The following BRAF variants were observed in gnomAD, a reference collection of about 807,000 sequenced individuals.
BRAF encodes the protein serine/threonine-protein kinase B-raf.
A neutral mutation model predicts 104.6 loss-of-function variants in BRAF; 16 were observed. The observed-to-expected ratio is 0.15, with a 90% confidence interval of 0.10 to 0.23. BRAF has a LOEUF of 0.23. BRAF is among the 10% of genes least tolerant of loss of function. The pLI is 1.00. For synonymous variants in BRAF, 310 were observed against 341.6 expected, an observed-to-expected ratio of 0.91 and a Z score of 1.02; for missense variants, 541 against 937.3, an observed-to-expected ratio of 0.58 and a Z score of 5.52.
At chr7:140,914,412 A>T (rs11762469) in intron 1 of BRAF, among the ~76,000 whole-genome samples, 55,856 of 152,066 alleles carry the variant, frequency 0.37, 13,286 homozygotes, top group Non-Finnish European at 0.54. Flanking sequence ...GTGGAATATC[A>T]TCAGTGTTAG....
At chr7:140,747,940 T>G (rs943765404) in intron 17 of BRAF, among the ~76,000 whole-genome samples, 2 of 152,194 alleles carry the variant, frequency 1.3e-5, no homozygotes, top group African/African-American at 4.8e-5. Context: ...TCCAAAGTCA[T>G]GTTGTTACAC....
In BRAF at chr7:140,874,551, A is replaced by AT. The variant is rs1811992406; in HGVS notation, c.139-24340_139-24339insA. Among the ~76,000 whole-genome samples, 4 of 148,272 alleles carry AT rather than the reference A, an allele frequency of 2.7e-5. No homozygotes were observed. The South Asian group carries it at 8.7e-4, about 32-fold the overall frequency. On this transcript the variant is annotated intron_variant, in intron 1 of 19. Coordinates refer to ENST00000644969, the MANE Select transcript of BRAF (RefSeq NM_001374258.1). ...AAAAAGTAAAAAAAAAAAAAAAAAA[A>AT]GGCAAAGAAATAACATTCAAAGATA...
downstream of BRAF, among the ~76,000 whole-genome samples, chr7:140,718,104 G>GA (rs1795175492): frequency 6.6e-6 from 1 of 151,816 alleles, no homozygotes. Context: ...CAGGTGAAGT[G>GA]TTTTTTTTGA....
At chr7:140,904,366 T>C (rs150687720) in intron 1 of BRAF, among the ~76,000 whole-genome samples, 451 of 152,090 alleles carry the variant, frequency 3.0e-3, no homozygotes, top group Middle Eastern at 0.01. Flanking sequence ...TCTAGAAGTT[T>C]AATGAAACTC....
chr7:140,785,162 C>A (rs539765244), intron 10 of BRAF, among the ~76,000 whole-genome samples: 15 of 152,000 alleles, frequency 9.9e-5, no homozygotes, highest in Non-Finnish European at 1.5e-4. Flanking sequence ...ATATACACAT[C>A]CCATATTGGG....
At chr7:140,897,278 C>A (rs879668552) in intron 1 of BRAF, among the ~76,000 whole-genome samples, 8 of 151,960 alleles carry the variant, frequency 5.3e-5, no homozygotes, top group Non-Finnish European at 1.0e-4. Flanking sequence ...CCATGGGAAT[C>A]TGGTAGAAAT....
intron 1 of BRAF, among the ~76,000 whole-genome samples, chr7:140,876,029 C>T (rs1464314407): frequency 2.0e-5 from 3 of 152,112 alleles, no homozygotes; most frequent in Non-Finnish European, 4.4e-5. Flanking sequence ...GGTAAACATG[C>T]AGACAAAAAT....
intron 17 of BRAF, among the ~76,000 whole-genome samples, chr7:140,745,046 T>C (rs1209174593): frequency 6.6e-6 from 1 of 151,976 alleles, no homozygotes; most frequent in South Asian, 2.1e-4. Flanking sequence ...ACAATACAAA[T>C]AGTTTGAAGA....
Position 140,721,867 on chromosome 7 carries a change from A to C in BRAF, c.*4627T>G. On this transcript the variant is annotated 3_prime_UTR_variant, in exon 20 of 20. Transcript: ENST00000644969. ...CCCCACAGCGCTTTGGGACAGGATG[A>C]CTAACGCAGTCCAGCTTCATGTGCA... The C allele has an allele frequency of 7.7e-7, 1 of 1,297,250 alleles. No individual in the cohort carries two copies. The highest frequency in any genetic ancestry group is 9.8e-7 in the Non-Finnish European group (1 of 1,025,264). The allele number at this position is 1,297,250 out of a possible 1,614,324, so 80.4% of individuals were successfully genotyped here. A position where few individuals can be genotyped will look rare whatever the true frequency, so the allele number is the denominator to read the frequency against.
At chr7:140,756,906 C>G (rs550111268) in intron 14 of BRAF, among the ~76,000 whole-genome samples, 1 of 152,336 alleles carries the variant, frequency 6.6e-6, no homozygotes, top group Admixed American at 6.5e-5. Flanking sequence ...ACTTCAAGCT[C>G]TTATCCAAGA....
rs551921779 is a variant in BRAF, at chr7:140,763,227, G to A, written c.1815-8994C>T. 8.6e-3 allele frequency among the ~76,000 whole-genome samples: 1,304 copies of A among 151,762 alleles called. 21 individuals carry two copies. The highest frequency in any genetic ancestry group is 0.029 in the African/African-American group (1,219 of 41,350). ...CACCTCCCGGACGAGGCGGCTGGCCGGGCGGGGGGCTGACCCCCCAACCTC... is the reference window on the plus strand; with the variant it reads ...CACCTCCCGGACGAGGCGGCTGGCCAGGCGGGGGGCTGACCCCCCAACCTC... On this transcript the variant is annotated intron_variant, in intron 14 of 19. Transcript: ENST00000644969.
At chr7:140,759,760 T>G (rs370709168) in intron 14 of BRAF, among the ~76,000 whole-genome samples, 37 of 152,042 alleles carry the variant, frequency 2.4e-4, no homozygotes, top group African/African-American at 8.2e-4. Flanking sequence ...AGCTGAGGAG[T>G]AGACAGTGAG....
In BRAF at chr7:140,736,450, G is replaced by A. The variant is rs528715337; in HGVS notation, c.2248-1680C>T. Among the ~76,000 whole-genome samples the A allele has an allele frequency of 9.0e-4, 128 of 141,748 alleles. 1 individual carries two copies. The highest frequency in any genetic ancestry group is 3.3e-3 in the African/African-American group (125 of 38,366). 93.0% of individuals were successfully genotyped at this position (141,748 alleles called of 152,430 possible). On this transcript the variant is annotated intron_variant, in intron 18 of 19. Transcript: ENST00000644969. The stretch of plus-strand genomic sequence containing the variant: ...AACACCACTTTTTTTTTTTGGAGAT[G>A]GAATTTCACTCTTGTTGCCCAGGCT...
intron 1 of BRAF, among the ~76,000 whole-genome samples, chr7:140,913,034 T>C (rs141666979): frequency 1.2e-4 from 19 of 152,338 alleles, no homozygotes; most frequent in African/African-American, 4.3e-4. Flanking sequence ...TTTGAACTAA[T>C]TGGTTTATCT....
rs2130823494 is a variant in BRAF, at chr7:140,723,191, G to GAGGAGGATGTGCAGCAGCTCGC, written c.*3281_*3302dup. On this transcript the variant is annotated 3_prime_UTR_variant, in exon 20 of 20. Coordinates refer to ENST00000644969, the MANE Select transcript of BRAF (RefSeq NM_001374258.1). ...TGTACAGTGGGGACAGGTGAGATCTGAGGAGGATGTGCAGCAGCTCGCACT... is the reference window on the plus strand; with the variant it reads ...TGTACAGTGGGGACAGGTGAGATCTGAGGAGGATGTGCAGCAGCTCGCAGGAGGATGTGCAGCAGCTCGCACT... 1.9e-6 allele frequency: 2 copies of GAGGAGGATGTGCAGCAGCTCGC among 1,054,658 alleles called. No individual in the cohort carries two copies. The highest frequency in any genetic ancestry group is 1.1e-4 in the East Asian group (2 of 18,788). 65.3% of individuals were successfully genotyped at this position (1,054,658 alleles called of 1,614,324 possible).
chr7:140,750,675 C>T (rs1797715246), intron 16 of BRAF, among the ~76,000 whole-genome samples: 1 of 152,176 alleles, frequency 6.6e-6, no homozygotes, highest in Non-Finnish European at 1.5e-5. Flanking sequence ...AAATAAACCA[C>T]ATATAACTGT....
Position 140,734,663 on chromosome 7 carries a change from T to C in BRAF, c.2355A>G (p.Leu785=), listed in dbSNP as rs56046546. 511 of 1,612,596 alleles carry C rather than the reference T, an allele frequency of 3.2e-4. 2 individuals are homozygous for C. In the East Asian group the frequency reaches 0.01, roughly 33 times the overall value. ...GTGTTTTTGGAGAAGCACAAGCATA[T>C]AGACTAAAATCCTCTGTTTGGAAAC... The part of the protein sequence containing the change: ...RAGFQTEDFS[L]YACASPKTPI... Residue 785 remains leucine, a synonymous_variant, in exon 19 of 20, where the codon CTA becomes CTG. Transcript: ENST00000644969.
chr7:140,846,009 T>C (rs2129070606), intron 2 of BRAF, among the ~76,000 whole-genome samples: 1 of 151,906 alleles, frequency 6.6e-6, no homozygotes, highest in East Asian at 1.9e-4. Context: ...CAACCGAAAA[T>C]AATAAGTGTT....
intron 8 of BRAF, among the ~76,000 whole-genome samples, chr7:140,790,740 G>A (rs1028798331): frequency 2.0e-5 from 3 of 152,278 alleles, no homozygotes; most frequent in South Asian, 2.1e-4. Context: ...TTCCTCTCTT[G>A]TTATCTTCAA....
Sources: allele counts gnomAD v4.1 joint callset (sites outside exome capture counted in the v4.1 genomes callset), GRCh38; gene constraint gnomAD v4.1.1; transcripts MANE v1.5; gene names NCBI Gene and HGNC (gene_info 2026-07-23, HGNC 2026-07-21).